The following NALCN variants were observed in gnomAD, a reference collection of about 807,000 sequenced individuals.
NALCN encodes sodium leak channel, non-selective, also known as sodium leak channel NALCN.
Under a neutral mutation model 225.3 loss-of-function variants are expected in NALCN, and 111 were observed. That is an observed-to-expected ratio of 0.49 (90% confidence interval 0.42 to 0.58). The LOEUF is 0.58. Among genes scored for constraint, NALCN ranks in the 20% least tolerant of loss-of-function variants. The pLI, the probability that NALCN is intolerant of heterozygous loss-of-function variation, is 0.00. For synonymous variants in NALCN, 764 were observed against 769.0 expected, an observed-to-expected ratio of 0.99 and a Z score of 0.11; for missense variants, 1,378 against 2,202.4, an observed-to-expected ratio of 0.63 and a Z score of 7.49.
chr13:101,370,181 G>A (rs1038949229), intron 6 of NALCN, among the ~76,000 whole-genome samples: 5 of 151,844 alleles, frequency 3.3e-5, no homozygotes, highest in South Asian at 4.2e-4. Context: ...TTTCTCATAC[G>A]TGTCCTCAAG....
intron 3 of NALCN, among the ~76,000 whole-genome samples, chr13:101,380,347 AT>A (rs2139432233): frequency 6.6e-6 from 1 of 152,296 alleles, no homozygotes; most frequent in African/African-American, 2.4e-5. Flanking sequence ...TACCACTTTC[AT>A]TTTTTAATAG....
chr13:101,286,578 TGAGA>T (rs1164449904), intron 9 of NALCN, among the ~76,000 whole-genome samples: 1 of 152,166 alleles, frequency 6.6e-6, no homozygotes, highest in African/African-American at 2.4e-5. Flanking sequence ...CAACTTTATA[TGAGA>T]GAGAATGGGA....
At chr13:101,321,375 T>A (rs1012507743) in intron 7 of NALCN, among the ~76,000 whole-genome samples, 1 of 152,130 alleles carries the variant, frequency 6.6e-6, no homozygotes, top group Non-Finnish European at 1.5e-5. Context: ...TATAACCTCA[T>A]CAGTTACTAT....
At chr13:101,411,671 T>C (rs2047791666) in intron 1 of NALCN, among the ~76,000 whole-genome samples, 1 of 152,184 alleles carries the variant, frequency 6.6e-6, no homozygotes, top group African/African-American at 2.4e-5. Context: ...TGACTGTGCA[T>C]ACTATAATGC....
intron 7 of NALCN, among the ~76,000 whole-genome samples, chr13:101,309,018 T>C (rs1231632021): frequency 2.0e-5 from 3 of 152,192 alleles, no homozygotes; most frequent in Non-Finnish European, 2.9e-5. Context: ...TCAAAGGAGA[T>C]ACTTTGAATA....
intron 7 of NALCN, among the ~76,000 whole-genome samples, chr13:101,305,119 A>C (rs950125631): frequency 3.3e-5 from 5 of 152,222 alleles, no homozygotes; most frequent in Non-Finnish European, 7.3e-5. Flanking sequence ...CCGGCATTAT[A>C]TACCTGACGG....
intron 7 of NALCN, among the ~76,000 whole-genome samples, chr13:101,295,325 T>C (rs1419366815): frequency 3.3e-5 from 5 of 152,136 alleles, no homozygotes; most frequent in Non-Finnish European, 7.3e-5. Flanking sequence ...TTCCTCTAGG[T>C]TTTTGAATGA....
At chr13:101,185,229 C>A (rs1467104455) in intron 14 of NALCN, among the ~76,000 whole-genome samples, 1 of 152,146 alleles carries the variant, frequency 6.6e-6, no homozygotes, top group East Asian at 1.9e-4. Flanking sequence ...GAATTCTATA[C>A]AATCAAGTTA....
At chr13:101,289,195 A>G (rs2043455359) in intron 9 of NALCN, among the ~76,000 whole-genome samples, 1 of 152,218 alleles carries the variant, frequency 6.6e-6, no homozygotes, top group African/African-American at 2.4e-5. Context: ...AGAATCAGGC[A>G]GGTATGAAAT....
intron 7 of NALCN, among the ~76,000 whole-genome samples, chr13:101,331,435 A>G (rs989524687): frequency 1.2e-4 from 18 of 152,198 alleles, no homozygotes; most frequent in African/African-American, 4.3e-4. Context: ...CAGTCTAGAC[A>G]CACTGAGAGA....
chr13:101,352,425 T>A (rs1207980848), intron 6 of NALCN, among the ~76,000 whole-genome samples: 1 of 152,042 alleles, frequency 6.6e-6, no homozygotes, highest in Non-Finnish European at 1.5e-5. Flanking sequence ...AGTGAAAATG[T>A]CAGAGCCTGC....
At chr13:101,397,119 T>C (rs202102688) in intron 2 of NALCN, among the ~76,000 whole-genome samples, 654 of 55,884 alleles carry the variant, frequency 0.012, 12 homozygotes, top group Middle Eastern at 0.022. Context: ...TACATACACA[T>C]ACATATATAT....
intron 7 of NALCN, among the ~76,000 whole-genome samples, chr13:101,314,899 G>A (rs912806487): frequency 1.3e-5 from 2 of 152,098 alleles, no homozygotes; most frequent in Non-Finnish European, 2.9e-5. Flanking sequence ...ACCTGAGAGT[G>A]TACTTGTTAG....
chr13:101,114,909 G>A (rs575058705), intron 18 of NALCN, among the ~76,000 whole-genome samples: 20 of 152,200 alleles, frequency 1.3e-4, no homozygotes, highest in Admixed American at 3.9e-4. Context: ...TTCTCTCCAT[G>A]CCATTTTCTT....
intron 14 of NALCN, among the ~76,000 whole-genome samples, chr13:101,179,428 T>C (rs2039101224): frequency 6.6e-6 from 1 of 152,224 alleles, no homozygotes; most frequent in Non-Finnish European, 1.5e-5. Flanking sequence ...TTTCTTGGTT[T>C]TTCTACAAAT....
chr13:101,361,425 C>T (rs373198544), intron 6 of NALCN, among the ~76,000 whole-genome samples: 1 of 152,126 alleles, frequency 6.6e-6, no homozygotes, highest in African/African-American at 2.4e-5. Context: ...CTTACTCATG[C>T]GTCCCACTGA....
Position 101,104,778 on chromosome 13 carries a change from T to G in NALCN, c.2636+116A>C. ...TTAAAAACATCATTCCCCAATCATC[T>G]ATTTCATAGCACTATATAGCAAGAA... On this transcript the variant is annotated intron_variant, in intron 23 of 43. Coordinates refer to ENST00000251127, the MANE Select transcript of NALCN (RefSeq NM_052867.4). This position sits in a 1 kb window ranked among gnomAD's most constrained non-coding sequence, Gnocchi z 4.2. 4.5e-6 allele frequency: 7 copies of G among 1,543,534 alleles called. No homozygotes were observed. The highest frequency in any genetic ancestry group is 6.2e-6 in the Non-Finnish European group (7 of 1,125,604).
chr13:101,401,319 G>A (rs1293447224), intron 1 of NALCN, among the ~76,000 whole-genome samples: 5 of 151,990 alleles, frequency 3.3e-5, no homozygotes, highest in Non-Finnish European at 7.4e-5. Flanking sequence ...TACTGGTAGT[G>A]GGGAAGGAAA....
In NALCN at chr13:101,139,900, A is replaced by G. The variant is rs75129012; in HGVS notation, c.2118+3180T>C. On this transcript the variant is annotated intron_variant, in intron 17 of 43. Coordinates refer to ENST00000251127, the MANE Select transcript of NALCN (RefSeq NM_052867.4). ...TGCTTCCATTAAATCCTTATCACTG[A>G]AATCCTTTGAAGAGGGATTTTCTGC... is the stretch of plus-strand genomic sequence containing the variant. Among the ~76,000 whole-genome samples, 1,078 of 152,312 alleles carry G rather than the reference A, an allele frequency of 7.1e-3. 5 individuals carry two copies. Among genetic ancestry groups the G allele is most frequent in the Non-Finnish European group, 0.011 (732 of 68,032 alleles).
Sources: gnomAD v4.1 joint callset for allele counts (sites outside exome capture counted in the v4.1 genomes callset) on GRCh38, gnomAD v4.1.1 for gene constraint, Gnocchi (gnomAD v3.1) non-coding constraint, MANE v1.5 for transcripts, NCBI Gene and HGNC (gene_info 2026-07-23, HGNC 2026-07-21) for gene names.